SEC11C: variants seen among roughly 807,000 people sequenced by gnomAD.
SEC11C encodes the protein signal peptidase complex catalytic subunit SEC11C.
Under a neutral mutation model 21.9 loss-of-function variants are expected in SEC11C, and 10 were observed. The observed-to-expected ratio is 0.46, with a 90% CI of 0.28 to 0.77. The LOEUF (loss-of-function observed/expected upper bound fraction) is 0.77. Ranked by LOEUF, SEC11C falls within the 30% of genes least tolerant of loss-of-function variation. SEC11C has a pLI of 0.12. For synonymous variants in SEC11C, 83 were observed against 85.6 expected (o/e 0.97, Z 0.17); for missense variants, 145 against 244.5 (o/e 0.59, Z 2.71).
At position 59,139,969 on chromosome 18, in the gene SEC11C, G is replaced by C. The variant is rs759090155; in HGVS notation, c.21G>C (p.Val7=). 1.3e-6 allele frequency: 2 copies of C among 1,590,656 alleles called. No individual in the cohort carries two copies. Among genetic ancestry groups the C allele is most frequent in the Non-Finnish European group, 1.7e-6 (2 of 1,166,856 alleles). The change falls in exon 1 of 6, where the codon GTG becomes GTC. Residue 7 remains valine (V), a synonymous_variant. Transcript: ENST00000587834. ...CTGCTATGGTGCGTGCGGGCGCCGT[G>C]GGGGCTCATCTCCCCGCGTCCGGCT... is the stretch of plus-strand genomic sequence containing the variant. MVRAGA[V]GAHLPASGLD...
At chr18:59,158,354 A>T (rs1025424227) in intron 5 of SEC11C, among the ~76,000 whole-genome samples, 13 of 144,816 alleles carry the variant, frequency 9.0e-5, no homozygotes, top group East Asian at 3.1e-4. Context: ...ATATTTTTTA[A>T]AAAAATCACT....
chr18:59,150,547 C>T (rs918365026), intron 2 of SEC11C, among the ~76,000 whole-genome samples: 17 of 152,198 alleles, frequency 1.1e-4, no homozygotes, highest in African/African-American at 2.9e-4. Context: ...GTGGGACCTC[C>T]GACCCACTCG....
Position 59,157,591 on chromosome 18 carries a change from T to C in SEC11C, c.468-17T>C, listed in dbSNP as rs2069432565. ...TAAGCAGCTTTTATATCTCTTGCTT[T>C]TTATCCCACAATTTAGGTTTTTACC... On this transcript the variant is annotated splice_polypyrimidine_tract_variant and intron_variant, in intron 4 of 5. Transcript: ENST00000587834. The C allele has an allele frequency of 1.3e-6, 2 of 1,584,044 alleles. No individual in the cohort carries two copies. Among genetic ancestry groups the C allele is most frequent in the South Asian group, 1.1e-5 (1 of 90,376 alleles).
At chr18:59,142,515 A>G (rs1369440972) in intron 1 of SEC11C, among the ~76,000 whole-genome samples, 1 of 152,246 alleles carries the variant, frequency 6.6e-6, no homozygotes, top group Non-Finnish European at 1.5e-5. Flanking sequence ...TAAGTCAGGC[A>G]GAGCCGGTGG....
chr18:59,141,133 A>G (rs900256552), intron 1 of SEC11C, among the ~76,000 whole-genome samples: 21 of 143,830 alleles, frequency 1.5e-4, no homozygotes, highest in Non-Finnish European at 2.6e-4. Context: ...TCCTTTAGGC[A>G]TACGTGTTTT....
At chr18:59,152,485 CG>C in intron 2 of SEC11C, 50 bp from the exon 3 acceptor site, 1 of 1,529,064 alleles carries the variant, frequency 6.5e-7, no homozygotes, top group Non-Finnish European at 8.7e-7. Flanking sequence ...CTATTCTGAT[CG>C]CCTTTTGGAC....
intron 1 of SEC11C, among the ~76,000 whole-genome samples, chr18:59,141,417 G>A (rs2069208906): frequency 6.6e-6 from 1 of 152,154 alleles, no homozygotes; most frequent in African/African-American, 2.4e-5. Context: ...CTTAATGGCT[G>A]GGTTTTTAAA....
intron 3 of SEC11C, among the ~76,000 whole-genome samples, chr18:59,153,753 C>T (rs11661988): frequency 0.26 from 38,747 of 150,204 alleles, 5,174 homozygotes; most frequent in South Asian, 0.3. Context: ...GTCTCCTAGG[C>T]TGGAGTGCAA....
At chr18:59,148,407 C>T (rs898766391) in intron 1 of SEC11C, among the ~76,000 whole-genome samples, 46 of 151,118 alleles carry the variant, frequency 3.0e-4, no homozygotes, top group African/African-American at 6.7e-4. Flanking sequence ...GTTGTTTTCT[C>T]CTTTAGTCAC....
chr18:59,158,738 A>G lies in SEC11C; in HGVS notation c.*53A>G, dbSNP rs1047189463. ...TGAAATGAATTCTGTTGAAAAAGAG[A>G]AAAACTAATATATTTGAGATGTTCC... On this transcript the variant is annotated 3_prime_UTR_variant, in exon 6 of 6. Transcript: ENST00000587834. 490 of 1,405,690 alleles carry G rather than the reference A, an allele frequency of 3.5e-4. 1 individual carries two copies. The highest frequency in any genetic ancestry group is 4.7e-4 in the Non-Finnish European group (466 of 991,022). 87.1% of individuals were successfully genotyped at this position (1,405,690 alleles called of 1,614,324 possible). A position where few individuals can be genotyped will look rare whatever the true frequency, so the allele number is the denominator to read the frequency against.
intron 1 of SEC11C, among the ~76,000 whole-genome samples, chr18:59,143,903 G>A (rs1215966207): frequency 6.7e-6 from 1 of 148,526 alleles, no homozygotes; most frequent in African/African-American, 2.5e-5. Context: ...CCAGGCTGGA[G>A]TGCAGTGGTG....
intron 2 of SEC11C, among the ~76,000 whole-genome samples, chr18:59,150,975 A>T (rs545932771): frequency 1.9e-4 from 29 of 151,078 alleles, no homozygotes; most frequent in Non-Finnish European, 3.1e-4. Context: ...TTTTTTTTTT[A>T]AAGCATCCTT....
chr18:59,150,231 C>T (rs867139882), intron 2 of SEC11C, among the ~76,000 whole-genome samples: 7 of 152,200 alleles, frequency 4.6e-5, no homozygotes, highest in South Asian at 2.1e-4. Flanking sequence ...TGCTTCAAGA[C>T]GCTGTCGGTC....
intron 2 of SEC11C, among the ~76,000 whole-genome samples, chr18:59,151,036 A>G (rs1470881291): frequency 6.6e-6 from 1 of 152,142 alleles, no homozygotes; most frequent in African/African-American, 2.4e-5. Context: ...GACATCCCTA[A>G]GGGATGTGTG....
intron 1 of SEC11C, among the ~76,000 whole-genome samples, chr18:59,141,293 T>C (rs1193733805): frequency 1.3e-5 from 2 of 152,220 alleles, no homozygotes; most frequent in African/African-American, 4.8e-5. Flanking sequence ...TTCTGGAAGA[T>C]GAGTTGTAGT....
In SEC11C at chr18:59,139,910, C is replaced by T. The variant is rs915528882; in HGVS notation, c.-39C>T. On this transcript the variant is annotated 5_prime_UTR_variant, in exon 1 of 6. Transcript: ENST00000587834. ...GGTGCTCCGCAGCCGTCTGTGCCACCCAGAGCCGGCGGGCCGCTAGGTCCC... is the reference window on the plus strand; with the variant it reads ...GGTGCTCCGCAGCCGTCTGTGCCACTCAGAGCCGGCGGGCCGCTAGGTCCC... 29 of 1,470,382 alleles carry T rather than the reference C, an allele frequency of 2.0e-5. No individual in the cohort carries two copies. Among genetic ancestry groups the T allele is most frequent in the Non-Finnish European group, 2.5e-5 (27 of 1,099,672 alleles). The allele number at this position is 1,470,382 out of a possible 1,614,324, so 91.1% of individuals were successfully genotyped here.
chr18:59,142,490 A>G (rs1051560686), intron 1 of SEC11C, among the ~76,000 whole-genome samples: 1 of 152,192 alleles, frequency 6.6e-6, no homozygotes, highest in African/African-American at 2.4e-5. Context: ...AACAGCGGTT[A>G]TTTATCAAAT....
chr18:59,143,855 CT>C lies in SEC11C; in HGVS notation c.87+3834del, dbSNP rs1555657597. On this transcript the variant is annotated intron_variant, in intron 1 of 5. Transcript: ENST00000587834. ...AAATAGTGGAGTAATCTGCCATTTT[CT>C]TTTTTTTTTTTTTGAGATGGAGTCT... Among the ~76,000 whole-genome samples the C allele has an allele frequency of 2.3e-3, 161 of 70,106 alleles. 1 individual carries two copies. Among genetic ancestry groups the C allele is most frequent in the Admixed American group, 0.01 (74 of 7,122 alleles). 46.0% of individuals were successfully genotyped at this position (70,106 alleles called of 152,430 possible).
intron 1 of SEC11C, among the ~76,000 whole-genome samples, chr18:59,145,242 GCT>G (rs1336702623): frequency 6.6e-6 from 1 of 152,228 alleles, no homozygotes; most frequent in African/African-American, 2.4e-5. Context: ...ACACGGCCAT[GCT>G]CTTTCTTTTA....
Sources: allele counts gnomAD v4.1 joint callset (sites outside exome capture counted in the v4.1 genomes callset), GRCh38; gene constraint gnomAD v4.1.1; transcripts MANE v1.5; gene names NCBI Gene and HGNC (gene_info 2026-07-23, HGNC 2026-07-21).